Variants in COL23A1 observed in about 807,000 individuals in gnomAD.
COL23A1 encodes collagen type XXIII alpha 1 chain, also known as collagen alpha-1(XXIII) chain.
In COL23A1, 97 loss-of-function variants were observed where a neutral mutation model predicts 99.3. The observed-to-expected ratio is 0.98, with a 90% CI of 0.83 to 1.16. COL23A1 has a LOEUF of 1.16. Among genes scored for constraint, COL23A1 ranks in the 50% most tolerant of loss-of-function variants. The probability of loss-of-function intolerance (pLI) is 0.00; values close to 1 mark genes in which losing one functional copy is unlikely to be tolerated. For synonymous variants in COL23A1, 320 were observed against 308.2 expected, an observed-to-expected ratio of 1.04 and a Z score of -0.40; for missense variants, 762 against 757.4, an observed-to-expected ratio of 1.01 and a Z score of -0.07.
At chr5:178,502,243 T>C (rs939736947) in intron 2 of COL23A1, among the ~76,000 whole-genome samples, 14 of 152,176 alleles carry the variant, frequency 9.2e-5, no homozygotes, top group Admixed American at 8.5e-4. Context: ...GCCATTCTCC[T>C]GCCTCAGCCT....
chr5:178,269,542 CCCAT>C (rs1334978869), intron 6 of COL23A1, among the ~76,000 whole-genome samples: 2 of 107,856 alleles, frequency 1.9e-5, no homozygotes, highest in East Asian at 3.3e-4. Flanking sequence ...CATCTATCCA[CCCAT>C]CCATCATCCA....
intron 2 of COL23A1, among the ~76,000 whole-genome samples, chr5:178,363,455 T>C (rs971017273): frequency 1.1e-4 from 16 of 152,236 alleles, no homozygotes; most frequent in Admixed American, 4.6e-4. Context: ...TCAGTATCTA[T>C]TGAGTCCTAC....
At position 178,456,488 on chromosome 5, in the gene COL23A1, C is replaced by T. The variant is rs547041592; in HGVS notation, c.361+104194G>A. Among the ~76,000 whole-genome samples the T allele has an allele frequency of 8.5e-5, 13 of 152,280 alleles. No homozygotes were observed. In the South Asian group the frequency reaches 1.0e-3, roughly 12 times the overall value. ...CTGAGCTGGGCGGATCACCTGAGGT[C>T]GGGAGTTCGAGACCAGCCTGACCAA... On this transcript the variant is annotated intron_variant, in intron 2 of 28. Transcript: ENST00000390654.
At chr5:178,493,559 G>A (rs747633879) in intron 2 of COL23A1, among the ~76,000 whole-genome samples, 1 of 152,238 alleles carries the variant, frequency 6.6e-6, no homozygotes, top group Non-Finnish European at 1.5e-5. Flanking sequence ...CATTTTTGCA[G>A]GAGTAACCTC....
chr5:178,295,367 G>A (rs575595881), intron 3 of COL23A1, among the ~76,000 whole-genome samples: 1 of 152,182 alleles, frequency 6.6e-6, no homozygotes, highest in African/African-American at 2.4e-5. Flanking sequence ...GAAATATCTG[G>A]ATTATGAACG....
intron 20 of COL23A1, among the ~76,000 whole-genome samples, 164 bp from the exon 21 acceptor site, chr5:178,247,995 G>A (rs1162765854): frequency 1.3e-5 from 2 of 152,200 alleles, no homozygotes; most frequent in Non-Finnish European, 2.9e-5. Context: ...ATAGTGAGCC[G>A]AGGTTGTGCC....
intron 2 of COL23A1, among the ~76,000 whole-genome samples, chr5:178,526,608 G>A (rs1232527521): frequency 6.6e-6 from 1 of 152,138 alleles, no homozygotes; most frequent in Non-Finnish European, 1.5e-5. Flanking sequence ...TCTGTCATCT[G>A]CAATAAAAAG....
intron 1 of COL23A1, among the ~76,000 whole-genome samples, chr5:178,579,446 G>C (rs1407536671): frequency 6.6e-6 from 1 of 152,146 alleles, no homozygotes; most frequent in Non-Finnish European, 1.5e-5. Context: ...GTGTCCTCAA[G>C]GCTGAAGTCT....
chr5:178,286,442 G>A (rs1478061355), intron 5 of COL23A1, among the ~76,000 whole-genome samples: 2 of 152,206 alleles, frequency 1.3e-5, no homozygotes, highest in South Asian at 2.1e-4. Context: ...AGGCCCAGGT[G>A]TGAGGGAGCC....
At chr5:178,267,400 C>T in intron 7 of COL23A1, 67 bp from the exon 8 acceptor site, 1 of 1,524,650 alleles carries the variant, frequency 6.6e-7, no homozygotes, top group Non-Finnish European at 9.0e-7. Flanking sequence ...TCCCGTCGGG[C>T]ATCTGTGCCC....
rs953019539 is a variant in COL23A1, at chr5:178,499,022, G to A, written c.361+61660C>T. Among the ~76,000 whole-genome samples the A allele has an allele frequency of 3.3e-5, 5 of 152,084 alleles. No homozygotes were observed. In the East Asian group the frequency reaches 9.6e-4, roughly 29 times the overall value. The stretch of plus-strand genomic sequence containing the variant: ...GGAGAATTGTTTGAACCTGGGAGGC[G>A]GAGGTTGCAGTGAGCTGAGATCATG... On this transcript the variant is annotated intron_variant, in intron 2 of 28. Coordinates refer to ENST00000390654, the MANE Select transcript of COL23A1 (RefSeq NM_173465.4).
intron 2 of COL23A1, among the ~76,000 whole-genome samples, chr5:178,321,722 C>G (rs1759325801): frequency 6.6e-6 from 1 of 151,978 alleles, no homozygotes; most frequent in Non-Finnish European, 1.5e-5. Context: ...ATCTCCCGAC[C>G]TTGTGATCCA....
chr5:178,588,667 G>A (rs944622825), intron 1 of COL23A1, among the ~76,000 whole-genome samples: 1 of 152,260 alleles, frequency 6.6e-6, no homozygotes, highest in Admixed American at 6.5e-5. Flanking sequence ...AGCTAGAAGA[G>A]ATGTGATCCT....
chr5:178,399,708 CAG>C lies in COL23A1; in HGVS notation c.362-92791_362-92790del, dbSNP rs568062075. ...CAAAACCAAAGATGGTTTTTAAAAA[CAG>C]AGCATCAAAAGGAGGCTGACCAAAG... On this transcript the variant is annotated intron_variant, in intron 2 of 28. Transcript: ENST00000390654. 2.4e-3 allele frequency among the ~76,000 whole-genome samples: 373 copies of C among 152,286 alleles called. 3 individuals are homozygous for C. Among genetic ancestry groups the C allele is most frequent in the African/African-American group, 8.4e-3 (351 of 41,550 alleles).
chr5:178,502,276 C>G (rs530872166), intron 2 of COL23A1, among the ~76,000 whole-genome samples: 5 of 152,122 alleles, frequency 3.3e-5, no homozygotes, highest in Admixed American at 2.6e-4. Context: ...GGACTACAGG[C>G]GCCCGCCACC....
At chr5:178,331,283 G>T (rs1478292909) in intron 2 of COL23A1, among the ~76,000 whole-genome samples, 1 of 152,254 alleles carries the variant, frequency 6.6e-6, no homozygotes, top group Admixed American at 6.5e-5. Context: ...GGCAGAGGCA[G>T]TTGCAGCGCC....
intron 2 of COL23A1, among the ~76,000 whole-genome samples, chr5:178,376,002 C>T (rs947120985): frequency 3.3e-5 from 5 of 152,194 alleles, no homozygotes; most frequent in Admixed American, 1.3e-4. Flanking sequence ...CCACCACGCC[C>T]GGCTCCCATT....
chr5:178,383,611 C>A (rs1763501317), intron 2 of COL23A1, among the ~76,000 whole-genome samples: 1 of 152,156 alleles, frequency 6.6e-6, no homozygotes, highest in South Asian at 2.1e-4. Flanking sequence ...TTGGAGAAGC[C>A]CCCCATCAGC....
chr5:178,479,364 C>T (rs536557850), intron 2 of COL23A1, among the ~76,000 whole-genome samples: 1 of 152,326 alleles, frequency 6.6e-6, no homozygotes, highest in South Asian at 2.1e-4. Context: ...ACGAAAAAAA[C>T]CCCGAGCTGC....
Sources: allele counts gnomAD v4.1 joint callset (sites outside exome capture counted in the v4.1 genomes callset), GRCh38; gene constraint gnomAD v4.1.1; transcripts MANE v1.5; gene names NCBI Gene and HGNC (gene_info 2026-07-23, HGNC 2026-07-21).